Variants in OCIAD1 observed in about 807,000 individuals in gnomAD.
The protein encoded by OCIAD1 is OCIA domain containing 1.
In OCIAD1, 29 loss-of-function variants were observed where a neutral mutation model predicts 38.9. That is an observed-to-expected ratio of 0.74 (90% CI 0.55 to 1.02). OCIAD1 has a LOEUF of 1.02. Among genes scored for constraint, OCIAD1 ranks in the 50% least tolerant of loss-of-function variants. The pLI, the probability that OCIAD1 is intolerant of heterozygous loss-of-function variation, is 0.00. For synonymous variants in OCIAD1, 110 were observed against 92.0 expected (o/e 1.20, Z -1.12); for missense variants, 288 against 289.6 (o/e 0.99, Z 0.04).
At chr4:48,818,078 A>G (rs1777159830) in intron 1 of OCIAD1, among the ~76,000 whole-genome samples, 1 of 152,182 alleles carries the variant, frequency 6.6e-6, no homozygotes, top group Admixed American at 6.5e-5. Context: ...CTTCTAAGGG[A>G]CAGACTGCCT....
intron 1 of OCIAD1, among the ~76,000 whole-genome samples, chr4:48,814,324 C>CTT (rs199781870): frequency 2.3e-5 from 3 of 129,954 alleles, no homozygotes; most frequent in South Asian, 2.5e-4. Flanking sequence ...TTCAGAAAGC[C>CTT]TTTTTTTTTT....
At chr4:48,850,282 G>A (rs1400487106) in intron 6 of OCIAD1, among the ~76,000 whole-genome samples, 200 bp downstream of exon 6, 1 of 152,112 alleles carries the variant, frequency 6.6e-6, no homozygotes, top group Non-Finnish European at 1.5e-5. Flanking sequence ...AATGAATGAT[G>A]GGATCTCCCT....
At chr4:48,821,316 T>C (rs559934338) in intron 1 of OCIAD1, among the ~76,000 whole-genome samples, 11 of 152,334 alleles carry the variant, frequency 7.2e-5, no homozygotes, top group Non-Finnish European at 1.3e-4. Flanking sequence ...ATTATCTCAA[T>C]GGATGCAGAA....
intron 4 of OCIAD1, 151 bp from the exon 5 acceptor site, chr4:48,848,248 C>T (rs1779134702): frequency 2.3e-6 from 1 of 433,894 alleles, no homozygotes; most frequent in Non-Finnish European, 4.1e-6. Context: ...TCTCTTGATA[C>T]TGAATTCATT....
At chr4:48,810,890 CTTTCTT>C (rs1300288360) in intron 1 of OCIAD1, among the ~76,000 whole-genome samples, 59 of 62,618 alleles carry the variant, frequency 9.4e-4, no homozygotes, top group Middle Eastern at 9.1e-3. Flanking sequence ...TTCTTTCTTT[CTTTCTT>C]TTTTTTTTTT....
chr4:48,819,019 G>T (rs1420738577), intron 1 of OCIAD1, among the ~76,000 whole-genome samples: 1 of 152,108 alleles, frequency 6.6e-6, no homozygotes, highest in Non-Finnish European at 1.5e-5. Context: ...TTATCCACAA[G>T]ACTTCCCCAA....
At chr4:48,831,587 A>T in intron 1 of OCIAD1, 1 of 1,280,216 alleles carries the variant, frequency 7.8e-7, no homozygotes, top group African/African-American at 1.5e-5. Flanking sequence ...TTGTGTAAAG[A>T]ACTTAAAATG....
At position 48,823,662 on chromosome 4, in the gene OCIAD1, T is replaced by C. The variant is rs546321690; in HGVS notation, c.-102-6915T>C. Among the ~76,000 whole-genome samples the C allele has an allele frequency of 5.3e-5, 8 of 152,134 alleles. No individual in the cohort carries two copies. In the South Asian group the frequency reaches 1.5e-3, roughly 28 times the overall value. ...CTCTTTGAATTTACTTTTATTTTTA[T>C]TTATTTTTAATTTTTTTTTAGAGAA... On this transcript the variant is annotated intron_variant, in intron 1 of 6. Transcript: ENST00000504654.
chr4:48,849,896 T>C (rs1166198155), intron 5 of OCIAD1, 51 bp from the exon 6 acceptor site: 2 of 1,515,640 alleles, frequency 1.3e-6, no homozygotes, highest in Non-Finnish European at 1.8e-6. Context: ...GAAAATACTT[T>C]TGTCTGAAAG....
At chr4:48,813,901 AT>A (rs1278579678) in intron 1 of OCIAD1, among the ~76,000 whole-genome samples, 3 of 152,224 alleles carry the variant, frequency 2.0e-5, no homozygotes, top group Non-Finnish European at 4.4e-5. Flanking sequence ...TTGTAAAAAT[AT>A]ATGTTTTAAA....
intron 4 of OCIAD1, among the ~76,000 whole-genome samples, chr4:48,844,572 C>T (rs549499956): frequency 6.1e-4 from 93 of 152,018 alleles, no homozygotes; most frequent in African/African-American, 1.1e-3. Context: ...GCTGAGATGG[C>T]GCCACTGCAC....
At chr4:48,823,744 C>A (rs776276373) in intron 1 of OCIAD1, among the ~76,000 whole-genome samples, 3 of 148,714 alleles carry the variant, frequency 2.0e-5, no homozygotes, top group Non-Finnish European at 4.4e-5. Flanking sequence ...CTCACTGGAG[C>A]CTTAAATCCC....
At chr4:48,826,529 C>A (rs184369485), upstream of OCIAD1, among the ~76,000 whole-genome samples, 2 of 152,096 alleles carry the variant, frequency 1.3e-5, no homozygotes, top group Non-Finnish European at 2.9e-5. Flanking sequence ...ACTATATTTT[C>A]AATTCTTCTC....
intron 3 of OCIAD1, among the ~76,000 whole-genome samples, chr4:48,835,886 G>A (rs1777936606): frequency 6.6e-6 from 1 of 152,208 alleles, no homozygotes; most frequent in African/African-American, 2.4e-5. Context: ...GAGGAAAGGT[G>A]GAGTAGCATT....
At chr4:48,830,141 C>T (rs1481483910), upstream of OCIAD1, among the ~76,000 whole-genome samples, 1 of 152,176 alleles carries the variant, frequency 6.6e-6, no homozygotes, top group African/African-American at 2.4e-5. Context: ...GAAAGTGACG[C>T]TCAAAAGGCA....
chr4:48,852,078 C>T, intron 7 of OCIAD1, 103 bp downstream of exon 7: 1 of 788,424 alleles, frequency 1.3e-6, no homozygotes, highest in Non-Finnish European at 2.0e-6. Flanking sequence ...TGTGTTCTAC[C>T]ATCAATCATC....
chr4:48,846,679 C>T (rs1305465942), intron 4 of OCIAD1, among the ~76,000 whole-genome samples: 4 of 150,278 alleles, frequency 2.7e-5, no homozygotes, highest in Admixed American at 1.3e-4. Context: ...ACCCAGGAGG[C>T]GAAGGTTGCA....
At chr4:48,855,868 G>A (rs1779992544) in intron 7 of OCIAD1, 1 of 151,528 alleles carries the variant, frequency 6.6e-6, no homozygotes, top group Non-Finnish European at 1.5e-5. Flanking sequence ...GTATAGTTAT[G>A]TTGCTTAGAA....
intron 1 of OCIAD1, 72 bp downstream of exon 1, chr4:48,831,321 C>G (rs528125916): frequency 7.5e-6 from 3 of 398,098 alleles, no homozygotes; most frequent in South Asian, 5.6e-5. Flanking sequence ...CGGCCATCCA[C>G]GACTTTCGCA....
Sources: allele counts gnomAD v4.1 joint callset (sites outside exome capture counted in the v4.1 genomes callset), GRCh38; gene constraint gnomAD v4.1.1; transcripts MANE v1.5; gene names NCBI Gene and HGNC (gene_info 2026-07-23, HGNC 2026-07-21).